The following KIF17 variants were observed in gnomAD, a reference collection of about 807,000 sequenced individuals.
KIF17 encodes kinesin-like protein KIF17.
KIF17 carries 80 observed loss-of-function variants against 96.8 expected under a neutral mutation model. The ratio of observed to expected loss-of-function variants is 0.83; its 90% CI spans 0.69 to 1.00. KIF17 has a LOEUF of 1.00. KIF17 is among the 50% of genes least tolerant of loss of function. The pLI is 0.00. For missense variants in KIF17, 1,280 were observed against 1,372.9 expected (o/e 0.93, Z 1.07); for synonymous variants, 567 against 587.5 (o/e 0.97, Z 0.51).
chr1:20,682,759 T>C lies in KIF17; in HGVS notation c.2357A>G (p.Gln786Arg), dbSNP rs761442869. Reference protein sequence around the residue: ...ERRKQLVAALQNSDEDSGDWV... With the variant: ...ERRKQLVAALRNSDEDSGDWV... ...GTCCCCGCTGTCCTCATCCGAGTTC[T>C]GCAGGGCAGCCACCAGCTGCTTCCT... The change falls in exon 11 of 15, where the codon CAG (glutamine) becomes CGG (arginine). Residue 786 changes from glutamine to arginine, a missense_variant. Transcript: ENST00000400463. The C allele has an allele frequency of 1.9e-6, 3 of 1,613,164 alleles. No homozygotes were observed. The highest frequency in any genetic ancestry group is 2.5e-6 in the Non-Finnish European group (3 of 1,180,052).
At chr1:20,701,208 C>G (rs941947419) in intron 5 of KIF17, among the ~76,000 whole-genome samples, 1 of 152,052 alleles carries the variant, frequency 6.6e-6, no homozygotes, top group Non-Finnish European at 1.5e-5. Context: ...CTGAGGCGGG[C>G]GAATCACGAG....
intron 13 of KIF17, among the ~76,000 whole-genome samples, chr1:20,666,905 C>G (rs1379399436): frequency 6.6e-6 from 1 of 152,192 alleles, no homozygotes; most frequent in Non-Finnish European, 1.5e-5. Flanking sequence ...TATACTACAT[C>G]TGACTCCCAT....
intron 2 of KIF17, among the ~76,000 whole-genome samples, chr1:20,714,419 G>T (rs935660777): frequency 6.6e-6 from 1 of 152,208 alleles, no homozygotes; most frequent in Admixed American, 6.5e-5. Context: ...GAACCCGGGA[G>T]GCAGAGGTTG....
Position 20,704,906 on chromosome 1 carries a change from A to G in KIF17, c.671-7T>C. The G allele has an allele frequency of 1.3e-6, 2 of 1,599,264 alleles. No individual in the cohort carries two copies. The highest frequency in any genetic ancestry group is 1.7e-6 in the Non-Finnish European group (2 of 1,179,586). On this transcript the variant is annotated splice_polypyrimidine_tract_variant and splice_region_variant and intron_variant, in intron 4 of 14. Coordinates refer to ENST00000400463, the MANE Select transcript of KIF17 (RefSeq NM_001122819.3). This position sits in a 1 kb window ranked among gnomAD's most constrained non-coding sequence, Gnocchi z 6.8. ...TGGTCCTTGCCCCGCTCATCTGCAC[A>G]CAGACCAGGCAAAGTGGCGAGGGCC...
chr1:20,675,103 A>T (rs2053714048), intron 11 of KIF17, among the ~76,000 whole-genome samples: 1 of 150,038 alleles, frequency 6.7e-6, no homozygotes, highest in Non-Finnish European at 1.5e-5. Context: ...GTGAGCCAAG[A>T]TCACGCCACT....
intron 6 of KIF17, 85 bp downstream of exon 6, chr1:20,698,294 G>A (rs1025527513): frequency 9.9e-6 from 9 of 904,944 alleles, no homozygotes; most frequent in South Asian, 4.0e-5. Flanking sequence ...GTGATATCGC[G>A]TTGGACCCCA....
rs772846814 is a variant in KIF17 at position 20,687,474 on chromosome 1, C to T, written c.1852G>A (p.Glu618Lys). ...AGTCTGGCCAGCTTGGCTTCCACCT[C>T]GGCAAACGGGTCCTGCAGGCCTAGT... is the stretch of plus-strand genomic sequence containing the variant. ...GLLGLQDPFA[E>K]VEAKLARLSS... Residue 618 changes from glutamate to lysine, a missense_variant, in exon 8 of 15, where the codon GAG becomes AAG. Coordinates refer to ENST00000400463, the MANE Select transcript of KIF17 (RefSeq NM_001122819.3). This position sits in a 1 kb window ranked among gnomAD's most constrained non-coding sequence, Gnocchi z 4.4. The T allele has an allele frequency of 1.5e-5, 24 of 1,613,816 alleles. No individual in the cohort carries two copies. The South Asian group carries it at 1.5e-4, about 10-fold the overall frequency.
intron 10 of KIF17, 110 bp downstream of exon 10, chr1:20,684,699 G>C (rs1383974894): frequency 8.7e-7 from 1 of 1,150,732 alleles, no homozygotes; most frequent in Non-Finnish European, 1.2e-6. Context: ...GCCCTGCCAA[G>C]TTAGAAGGGA....
At chr1:20,671,864 C>T in intron 12 of KIF17, 74 bp downstream of exon 12, 1 of 1,561,136 alleles carries the variant, frequency 6.4e-7, no homozygotes, top group Non-Finnish European at 8.7e-7. Flanking sequence ...GAGAGGCCCA[C>T]ACTCCCTGCC....
intron 6 of KIF17, among the ~76,000 whole-genome samples, chr1:20,691,816 A>G (rs923924215): frequency 6.6e-6 from 1 of 152,132 alleles, no homozygotes; most frequent in East Asian, 1.9e-4. Context: ...ATTTGTTTGC[A>G]ATCTATTTTA....
In KIF17 at chr1:20,685,232, C is replaced by A. The variant is rs1301393257; in HGVS notation, c.2020-212G>T. 2 of 692,778 alleles carry A rather than the reference C, an allele frequency of 2.9e-6. No homozygotes were observed. Among genetic ancestry groups the A allele is most frequent in the African/African-American group, 1.8e-5 (1 of 57,132 alleles). The allele number at this position is 692,778 out of a possible 1,614,324, so 42.9% of individuals were successfully genotyped here. A position where few individuals can be genotyped will look rare whatever the true frequency, so the allele number is the denominator to read the frequency against. On this transcript the variant is annotated intron_variant, in intron 9 of 14. Coordinates refer to ENST00000400463, the MANE Select transcript of KIF17 (RefSeq NM_001122819.3). This position sits in a 1 kb window ranked among gnomAD's most constrained non-coding sequence, Gnocchi z 4.1. The stretch of plus-strand genomic sequence containing the variant: ...TGACACCCCCACGCTAGGAGGAAGG[C>A]TCCCAGCTTCCTCTCTCACCTCCCA...
chr1:20,689,997 C>A (rs1225140447), intron 7 of KIF17, among the ~76,000 whole-genome samples, 191 bp downstream of exon 7: 7 of 152,214 alleles, frequency 4.6e-5, no homozygotes, highest in Non-Finnish European at 1.0e-4. Flanking sequence ...AAGTTACCTA[C>A]CCTCTCTGTG....
At chr1:20,689,290 C>T (rs1173779080) in intron 7 of KIF17, among the ~76,000 whole-genome samples, 1 of 152,196 alleles carries the variant, frequency 6.6e-6, no homozygotes, top group Admixed American at 6.6e-5. Context: ...GAAGTCTGGA[C>T]CTCCAGGCAG....
At chr1:20,686,200 G>T in intron 8 of KIF17, 74 bp from the exon 9 acceptor site, 2 of 1,326,582 alleles carry the variant, frequency 1.5e-6, no homozygotes, top group Non-Finnish European at 2.1e-6. Flanking sequence ...CCTCACCCCT[G>T]GCCTCACTTC....
chr1:20,709,683 C>T lies in KIF17; in HGVS notation c.626G>A (p.Arg209His). Residue 209 changes from arginine (R) to histidine (H), a missense_variant, in exon 4 of 15, where the codon CGC becomes CAC. Transcript: ENST00000400463. This position sits in a 1 kb window ranked among gnomAD's most constrained non-coding sequence, Gnocchi z 4.7. ...GCTGATGGTGAAGATGGAGTGCGAG[C>T]GTGAGGAATCCTTGTTCATCAGCGT... ...GYTLMNKDSS[R>H]SHSIFTISIE... 1 of 1,614,086 alleles carries T rather than the reference C, an allele frequency of 6.2e-7. No individual in the cohort carries two copies. The highest frequency in any genetic ancestry group is 8.5e-7 in the Non-Finnish European group (1 of 1,180,024).
At chr1:20,683,381 G>A (rs997573082) in intron 10 of KIF17, among the ~76,000 whole-genome samples, 13 of 152,192 alleles carry the variant, frequency 8.5e-5, no homozygotes, top group Non-Finnish European at 1.8e-4. Context: ...TTGGCTGGGT[G>A]CAGTGGCTCA....
chr1:20,715,728 C>T (rs2054566889), intron 1 of KIF17, 89 bp from the exon 2 acceptor site: 2 of 1,483,838 alleles, frequency 1.3e-6, no homozygotes, highest in Non-Finnish European at 1.9e-6. Context: ...GACTCAGGGC[C>T]CTTCCTGGTC....
intron 2 of KIF17, 78 bp downstream of exon 2, chr1:20,715,415 T>G: frequency 6.3e-7 from 1 of 1,580,838 alleles, no homozygotes; most frequent in Non-Finnish European, 8.6e-7. Context: ...AGACTTCCCG[T>G]GTCTCTGCCA....
At position 20,686,145 on chromosome 1, in the gene KIF17, T is replaced by G. The variant is rs781677235; in HGVS notation, c.1939-19A>C. 6.4e-7 allele frequency: 1 copy of G among 1,556,376 alleles called. No individual in the cohort carries two copies. The highest frequency in any genetic ancestry group is 2.4e-5 in the East Asian group (1 of 41,782). ...CAGGGACCTGGGAGGAAAGAGGGGATGGAGGAGAAAGAAGGCTGATTTGGG... is the reference window on the plus strand; with the variant it reads ...CAGGGACCTGGGAGGAAAGAGGGGAGGGAGGAGAAAGAAGGCTGATTTGGG... On this transcript the variant is annotated intron_variant, in intron 8 of 14. Coordinates refer to ENST00000400463, the MANE Select transcript of KIF17 (RefSeq NM_001122819.3).
Sources: gnomAD v4.1 joint callset for allele counts (sites outside exome capture counted in the v4.1 genomes callset) on GRCh38, gnomAD v4.1.1 for gene constraint, Gnocchi (gnomAD v3.1) non-coding constraint, MANE v1.5 for transcripts, NCBI Gene and HGNC (gene_info 2026-07-23, HGNC 2026-07-21) for gene names.